SEPTIN9: variants seen among roughly 807,000 people sequenced by gnomAD.
SEPTIN9 encodes septin 9.
A neutral mutation model predicts 56.6 loss-of-function variants in SEPTIN9; 13 were observed. The observed-to-expected ratio is 0.23, with a 90% CI of 0.15 to 0.37. SEPTIN9 has a LOEUF of 0.37. Among genes scored for constraint, SEPTIN9 ranks in the 10% least tolerant of loss-of-function variants. The pLI is 1.00. For synonymous variants in SEPTIN9, 332 were observed against 334.1 expected (o/e 0.99, Z 0.07); for missense variants, 650 against 823.1 (o/e 0.79, Z 2.57).
In SEPTIN9 at chr17:77,318,895, G is replaced by T. The variant is rs753114068; in HGVS notation, c.76+11698G>T. ...TCAGAGGCCTGCGGGGTGTGTCGAGGTAGAGGGGTGCAAATATTGTAAATT... is the reference window on the plus strand; with the variant it reads ...TCAGAGGCCTGCGGGGTGTGTCGAGTTAGAGGGGTGCAAATATTGTAAATT... On this transcript the variant is annotated intron_variant, in intron 2 of 11. Coordinates refer to ENST00000427177, the MANE Select transcript of SEPTIN9 (RefSeq NM_001113491.2). This position sits in a 1 kb window ranked among gnomAD's most constrained non-coding sequence, Gnocchi z 4.9. 7.2e-5 allele frequency among the ~76,000 whole-genome samples: 11 copies of T among 152,178 alleles called. No homozygotes were observed. Among genetic ancestry groups the T allele is most frequent in the Non-Finnish European group, 1.6e-4 (11 of 68,034 alleles).
At chr17:77,286,613 G>A (rs547980352) in intron 1 of SEPTIN9, among the ~76,000 whole-genome samples, 15 of 152,196 alleles carry the variant, frequency 9.9e-5, no homozygotes, top group Non-Finnish European at 1.6e-4. Flanking sequence ...TCCTTGGGCT[G>A]CCCTCCTCTG....
At chr17:77,338,426 T>G (rs1236592577) in intron 2 of SEPTIN9, among the ~76,000 whole-genome samples, 1 of 97,920 alleles carries the variant, frequency 1.0e-5, no homozygotes, top group Non-Finnish European at 2.0e-5. Flanking sequence ...TTTTTCTTTT[T>G]CTTTTTTTTT....
Position 77,323,152 on chromosome 17 carries a change from G to A in SEPTIN9, c.76+15955G>A, listed in dbSNP as rs903808927. Among the ~76,000 whole-genome samples the A allele has an allele frequency of 6.6e-6, 1 of 152,152 alleles. No homozygotes were observed. Among genetic ancestry groups the A allele is most frequent in the Non-Finnish European group, 1.5e-5 (1 of 68,008 alleles). ...GCAGTGTCTGGCTCCGGTCTGGTTT[G>A]TGAACGGGGGCCTGGGTACTCTCCC... On this transcript the variant is annotated intron_variant, in intron 2 of 11. Coordinates refer to ENST00000427177, the MANE Select transcript of SEPTIN9 (RefSeq NM_001113491.2). The surrounding 1 kb of genome is among the most constrained non-coding windows in gnomAD (Gnocchi z 6.8).
chr17:77,309,605 A>T (rs2032403254), intron 2 of SEPTIN9, among the ~76,000 whole-genome samples: 2 of 151,606 alleles, frequency 1.3e-5, no homozygotes, highest in Admixed American at 6.6e-5. Context: ...TATGTCTGGG[A>T]CTCTTGCCCT....
At chr17:77,306,277 G>A (rs2143590493) in intron 1 of SEPTIN9, among the ~76,000 whole-genome samples, 1 of 152,322 alleles carries the variant, frequency 6.6e-6, no homozygotes, top group Admixed American at 6.5e-5. Flanking sequence ...GTGGGACTGG[G>A]CTGGTTATGT....
In SEPTIN9 at chr17:77,402,489, C is replaced by T; in HGVS notation, c.507C>T (p.Ala169=). ...ESAHRRMEPP[A]SKVPEVPTAP... is the part of the protein sequence containing the mutation. ...CCCACCGGAGGATGGAGCCCCCTGC[C>T]TCCAAGGTCCCCGAGGTGCCCACTG... The change falls in exon 3 of 12, where the codon GCC becomes GCT. Residue 169 remains alanine (A), a synonymous_variant. Coordinates refer to ENST00000427177, the MANE Select transcript of SEPTIN9 (RefSeq NM_001113491.2). This position sits in a 1 kb window ranked among gnomAD's most constrained non-coding sequence, Gnocchi z 6.6. The T allele has an allele frequency of 1.9e-6, 3 of 1,605,774 alleles. No homozygotes were observed. Among genetic ancestry groups the T allele is most frequent in the Non-Finnish European group, 1.7e-6 (2 of 1,176,600 alleles).
intron 3 of SEPTIN9, among the ~76,000 whole-genome samples, chr17:77,457,968 C>T (rs924516931): frequency 4.6e-5 from 7 of 152,322 alleles, no homozygotes; most frequent in Admixed American, 2.6e-4. Context: ...GGTAAACCCA[C>T]GCGCCACCCT....
chr17:77,423,999 T>G (rs780273630), intron 3 of SEPTIN9, among the ~76,000 whole-genome samples: 1 of 152,214 alleles, frequency 6.6e-6, no homozygotes, highest in Non-Finnish European at 1.5e-5. Flanking sequence ...TGGCTCACTT[T>G]CTGCTGCTTT....
In SEPTIN9 at chr17:77,389,021, G is replaced by C. The variant is rs1001896378; in HGVS notation, c.77-13038G>C. On this transcript the variant is annotated intron_variant, in intron 2 of 11. Transcript: ENST00000427177. This position sits in a 1 kb window ranked among gnomAD's most constrained non-coding sequence, Gnocchi z 4.3. ...CCTCACACCGATGCTGCCTGTGCCT[G>C]GCAGCTCTGTCCCGGGCCTCAGAAC... is the stretch of plus-strand genomic sequence containing the variant. Among the ~76,000 whole-genome samples the C allele has an allele frequency of 1.3e-5, 2 of 151,994 alleles. No individual in the cohort carries two copies. The highest frequency in any genetic ancestry group is 1.3e-4 in the Admixed American group (2 of 15,280).
intron 2 of SEPTIN9, among the ~76,000 whole-genome samples, chr17:77,377,794 C>T (rs892635106): frequency 2.0e-5 from 3 of 152,134 alleles, no homozygotes; most frequent in African/African-American, 4.8e-5. Context: ...CAGACCTGTC[C>T]CTAATTAATG....
chr17:77,323,599 G>T lies in SEPTIN9; in HGVS notation c.76+16402G>T, dbSNP rs16969898. On this transcript the variant is annotated intron_variant, in intron 2 of 11. Coordinates refer to ENST00000427177, the MANE Select transcript of SEPTIN9 (RefSeq NM_001113491.2). The surrounding 1 kb of genome is among the most constrained non-coding windows in gnomAD (Gnocchi z 6.8). ...GTCCATCTGATGCAGTACGGCACAGGGTAAAGCCCAGCTCCTCTTACGGGG... is the reference window on the plus strand; with the variant it reads ...GTCCATCTGATGCAGTACGGCACAGTGTAAAGCCCAGCTCCTCTTACGGGG... The T allele has an allele frequency of 0.14, 21,096 of 152,204 alleles. 1,719 individuals carry two copies. Among genetic ancestry groups the T allele is most frequent in the South Asian group, 0.24 (1,164 of 4,828 alleles). 9.4% of individuals were successfully genotyped at this position (152,204 alleles called of 1,614,324 possible).
At chr17:77,351,091 A>C (rs978937717) in intron 2 of SEPTIN9, among the ~76,000 whole-genome samples, 5 of 151,534 alleles carry the variant, frequency 3.3e-5, no homozygotes, top group African/African-American at 1.2e-4. Context: ...CTGTGTATGC[A>C]CTTGCACATG....
rs385419 is a variant in SEPTIN9 at position 77,491,120 on chromosome 17, G to C, written c.1380+261G>C. ...ATTCTCCAGCAGAGTCTCTGAGGGG[G>C]GTTTTGGAGAAGACCTGGACCAGGC... On this transcript the variant is annotated intron_variant, in intron 8 of 11. Transcript: ENST00000427177. Among the ~76,000 whole-genome samples, 82,066 of 152,042 alleles carry C rather than the reference G, an allele frequency of 0.54. 23,112 individuals are homozygous for C. The highest frequency in any genetic ancestry group is 0.71 in the African/African-American group (29,457 of 41,492).
intron 3 of SEPTIN9, among the ~76,000 whole-genome samples, chr17:77,420,101 G>T (rs1303362812): frequency 6.6e-6 from 1 of 152,142 alleles, no homozygotes; most frequent in Admixed American, 6.5e-5. Flanking sequence ...CCTTATTCCT[G>T]TGGCAGCCTA....
chr17:77,445,311 G>A lies in SEPTIN9; in HGVS notation c.722-36833G>A, dbSNP rs529207941. ...CGCACCCCCATGCAGAAGCGCGGCCGCCAGCTCACAAAGGATAGGGAGGGA... is the reference window on the plus strand; with the variant it reads ...CGCACCCCCATGCAGAAGCGCGGCCACCAGCTCACAAAGGATAGGGAGGGA... On this transcript the variant is annotated intron_variant, in intron 3 of 11. Coordinates refer to ENST00000427177, the MANE Select transcript of SEPTIN9 (RefSeq NM_001113491.2). The surrounding 1 kb of genome is among the most constrained non-coding windows in gnomAD (Gnocchi z 4.7). 1.3e-5 allele frequency: 6 copies of A among 465,574 alleles called. No homozygotes were observed. Among genetic ancestry groups the A allele is most frequent in the Admixed American group, 2.3e-5 (1 of 42,580 alleles). 28.8% of individuals were successfully genotyped at this position (465,574 alleles called of 1,614,324 possible). A position where few individuals can be genotyped will look rare whatever the true frequency, so the allele number is the denominator to read the frequency against.
intron 1 of SEPTIN9, chr17:77,281,805 T>G: frequency 2.0e-6 from 1 of 491,242 alleles, no homozygotes; most frequent in Non-Finnish European, 3.6e-6. Flanking sequence ...ACGCTCCCTC[T>G]TCCTCGCCCC....
rs77665665 is a variant in SEPTIN9, at chr17:77,495,143, G to T, written c.1573+2067G>T. Reference sequence around the variant, plus strand: ...ACCCTGGTGGCCAACCTTGAGTACCGCAGGTGGCCGGTGACAGAAACTGTC... The same window carrying T: ...ACCCTGGTGGCCAACCTTGAGTACCTCAGGTGGCCGGTGACAGAAACTGTC... On this transcript the variant is annotated intron_variant, in intron 10 of 11. Transcript: ENST00000427177. Among the ~76,000 whole-genome samples, 3 of 152,040 alleles carry T rather than the reference G, an allele frequency of 2.0e-5. No homozygotes were observed. In the East Asian group the frequency reaches 5.8e-4, roughly 30 times the overall value.
At chr17:77,422,111 G>C (rs1293829905) in intron 3 of SEPTIN9, among the ~76,000 whole-genome samples, 1 of 152,132 alleles carries the variant, frequency 6.6e-6, no homozygotes, top group Admixed American at 6.5e-5. Context: ...TCCTGCCTTG[G>C]CCTGCCAAAG....
At chr17:77,347,213 A>C (rs1311615940) in intron 2 of SEPTIN9, among the ~76,000 whole-genome samples, 1 of 152,028 alleles carries the variant, frequency 6.6e-6, no homozygotes, top group East Asian at 1.9e-4. Flanking sequence ...CCTTGTCTCT[A>C]CTAAAAATAC....
Sources: gnomAD v4.1 joint callset for allele counts (sites outside exome capture counted in the v4.1 genomes callset) on GRCh38, gnomAD v4.1.1 for gene constraint, Gnocchi (gnomAD v3.1) non-coding constraint, MANE v1.5 for transcripts, NCBI Gene and HGNC (gene_info 2026-07-23, HGNC 2026-07-21) for gene names.